The following MGAT4C variants were observed in gnomAD, a reference collection of about 807,000 sequenced individuals.
MGAT4C encodes the protein MGAT4 family member C.
MGAT4C carries 19 observed loss-of-function variants against 40.1 expected under a neutral mutation model. The ratio of observed to expected loss-of-function variants is 0.47; its 90% CI spans 0.33 to 0.70. The LOEUF (loss-of-function observed/expected upper bound fraction) is 0.70, where lower values mean the gene tolerates loss of function less well. MGAT4C is among the 30% of genes least tolerant of loss of function. The pLI is 0.02. For synonymous variants in MGAT4C, 181 were observed against 187.1 expected (o/e 0.97, Z 0.27); for missense variants, 491 against 563.2 (o/e 0.87, Z 1.30).
chr12:86,614,926 A>C (rs1962403125), intron 2 of MGAT4C, among the ~76,000 whole-genome samples: 1 of 151,962 alleles, frequency 6.6e-6, no homozygotes, highest in African/African-American at 2.4e-5. Flanking sequence ...CTTATGAAGT[A>C]ATATTCTATT....
intron 1 of MGAT4C, among the ~76,000 whole-genome samples, chr12:86,097,996 GA>G (rs1256932478): frequency 1.3e-5 from 2 of 151,570 alleles, no homozygotes; most frequent in African/African-American, 4.8e-5. Flanking sequence ...CTGAAGGAAG[GA>G]ACACCTGCCT....
intron 2 of MGAT4C, among the ~76,000 whole-genome samples, chr12:86,597,323 T>C (rs905822419): frequency 2.0e-4 from 30 of 152,274 alleles, no homozygotes; most frequent in Middle Eastern, 3.4e-3. Context: ...TGCCTCCAGA[T>C]TGACATATGA....
At chr12:86,760,113 C>A (rs1433699668) in intron 1 of MGAT4C, among the ~76,000 whole-genome samples, 2 of 151,992 alleles carry the variant, frequency 1.3e-5, no homozygotes, top group Non-Finnish European at 2.9e-5. Context: ...CACAAATAAA[C>A]CCACACATCT....
chr12:86,705,225 T>C (rs906379502), intron 2 of MGAT4C, among the ~76,000 whole-genome samples: 1 of 109,104 alleles, frequency 9.2e-6, no homozygotes, highest in South Asian at 2.7e-4. Context: ...TCTCTATCTA[T>C]CTATCTATCT....
At chr12:86,260,637 T>G (rs968060620), upstream of MGAT4C, among the ~76,000 whole-genome samples, 3 of 152,124 alleles carry the variant, frequency 2.0e-5, no homozygotes, top group Non-Finnish European at 2.9e-5. Flanking sequence ...ACTATTAGAA[T>G]TGGATCAGAG....
At chr12:86,214,560 G>T (rs1219240268) in intron 1 of MGAT4C, among the ~76,000 whole-genome samples, 2 of 152,116 alleles carry the variant, frequency 1.3e-5, no homozygotes, top group South Asian at 4.1e-4. Context: ...TAGCTTATTT[G>T]CTTGGTGAGA....
chr12:86,453,674 G>A (rs1313776635), intron 2 of MGAT4C, among the ~76,000 whole-genome samples: 1 of 152,028 alleles, frequency 6.6e-6, no homozygotes, highest in Non-Finnish European at 1.5e-5. Context: ...TTGTTGACAG[G>A]AGGGACAAGT....
intron 1 of MGAT4C, among the ~76,000 whole-genome samples, chr12:86,144,541 A>G (rs183184210): frequency 1.5e-4 from 23 of 152,306 alleles, no homozygotes; most frequent in African/African-American, 5.3e-4. Context: ...TTCTTTTAAT[A>G]TAGTGCAGAA....
chr12:86,108,613 T>G (rs1051274419), intron 1 of MGAT4C, among the ~76,000 whole-genome samples: 3 of 152,138 alleles, frequency 2.0e-5, no homozygotes, highest in African/African-American at 7.2e-5. Flanking sequence ...CTGGCCGGGT[T>G]TACAGAGGCT....
In MGAT4C at chr12:86,325,504, T is replaced by C. The variant is rs566293394; in HGVS notation, c.-57+8561A>G. Among the ~76,000 whole-genome samples, 14 of 152,328 alleles carry C rather than the reference T, an allele frequency of 9.2e-5. No individual in the cohort carries two copies. In the South Asian group the frequency reaches 2.3e-3, roughly 25 times the overall value. On this transcript the variant is annotated intron_variant, in intron 4 of 7. Coordinates refer to the MGAT4C transcript ENST00000548651. The stretch of plus-strand genomic sequence containing the variant: ...CAATCCTGACTTGACTACTTTGTTC[T>C]GTGCATGAGCAAATCCAAAGATCTC...
chr12:86,548,748 C>T (rs1225843927), intron 2 of MGAT4C, among the ~76,000 whole-genome samples: 3 of 152,076 alleles, frequency 2.0e-5, no homozygotes, highest in Admixed American at 6.6e-5. Context: ...GCCATAGTCT[C>T]TTTATCTGTA....
chr12:86,764,680 C>A (rs1232568184), intron 1 of MGAT4C, among the ~76,000 whole-genome samples: 1 of 151,852 alleles, frequency 6.6e-6, no homozygotes, highest in African/African-American at 2.4e-5. Flanking sequence ...TCCAGAGGAA[C>A]AATCAGACAG....
intron 1 of MGAT4C, among the ~76,000 whole-genome samples, chr12:86,835,262 T>A (rs1251628869): frequency 6.6e-6 from 1 of 151,994 alleles, no homozygotes; most frequent in African/African-American, 2.4e-5. Flanking sequence ...GTTTCTAGCA[T>A]AGATACTATT....
At chr12:86,077,786 T>C (rs940100880) in intron 1 of MGAT4C, among the ~76,000 whole-genome samples, 9 of 152,078 alleles carry the variant, frequency 5.9e-5, no homozygotes, top group African/African-American at 1.9e-4. Flanking sequence ...CCCTAATGGA[T>C]CTCCTGTACT....
At chr12:86,275,944 C>CAAAAAAAA (rs748476574) in intron 4 of MGAT4C, among the ~76,000 whole-genome samples, 8 of 69,174 alleles carry the variant, frequency 1.2e-4, no homozygotes, top group South Asian at 7.1e-4. Context: ...ACTAAAAATC[C>CAAAAAAAA]AAAAAAAAAA....
rs1334783935 is a variant in MGAT4C, at chr12:85,975,284, C to A, written c.*4005G>T. 1 of 150,882 alleles carries A rather than the reference C, an allele frequency of 6.6e-6. No individual in the cohort carries two copies. Among genetic ancestry groups the A allele is most frequent in the Non-Finnish European group, 1.5e-5 (1 of 67,120 alleles). The allele number at this position is 150,882 out of a possible 1,614,324, so 9.3% of individuals were successfully genotyped here. A position where few individuals can be genotyped will look rare whatever the true frequency, so the allele number is the denominator to read the frequency against. Reference sequence around the variant, plus strand: ...TAAATTTTATAATTGTTATTGATTACAATGAAGGCCTCTGGTAATGTTTTC... The same window carrying A: ...TAAATTTTATAATTGTTATTGATTAAAATGAAGGCCTCTGGTAATGTTTTC... On this transcript the variant is annotated 3_prime_UTR_variant, in exon 5 of 5. Transcript: ENST00000611864.
chr12:86,255,230 T>C (rs996407277), intron 1 of MGAT4C, among the ~76,000 whole-genome samples: 1 of 152,116 alleles, frequency 6.6e-6, no homozygotes, highest in African/African-American at 2.4e-5. Context: ...GTGGCTTTAT[T>C]TCATAAATAA....
intron 2 of MGAT4C, among the ~76,000 whole-genome samples, chr12:86,028,869 C>A (rs1407103983): frequency 6.6e-6 from 1 of 151,860 alleles, no homozygotes; most frequent in East Asian, 1.9e-4. Context: ...TAAGATATCT[C>A]ATTACATATT....
chr12:86,801,026 G>C (rs1042598998), intron 1 of MGAT4C, among the ~76,000 whole-genome samples: 1 of 151,884 alleles, frequency 6.6e-6, no homozygotes, highest in African/African-American at 2.4e-5. Context: ...TCTTAGGTCT[G>C]TTTAACTAGA....
Sources: allele counts gnomAD v4.1 joint callset (sites outside exome capture counted in the v4.1 genomes callset), GRCh38; gene constraint gnomAD v4.1.1; transcripts MANE v1.5; gene names NCBI Gene and HGNC (gene_info 2026-07-23, HGNC 2026-07-21).